TCEANC: variants seen among roughly 807,000 people sequenced by gnomAD.
TCEANC encodes the protein transcription elongation factor A N-terminal and central domain-containing protein.
In TCEANC, 8 loss-of-function variants were observed where a neutral mutation model predicts 8.7. The ratio of observed to expected loss-of-function variants is 0.92; its 90% CI spans 0.54 to 1.65. TCEANC has a LOEUF of 1.65. Ranked by LOEUF, TCEANC falls within the 40% of genes most tolerant of loss-of-function variation. The pLI is 0.00. For synonymous variants in TCEANC, 78 were observed against 92.9 expected, an observed-to-expected ratio of 0.84 and a Z score of 0.92; for missense variants, 255 against 251.9, an observed-to-expected ratio of 1.01 and a Z score of -0.08.
chrX:13,665,138 G>T (rs374917948), exon 2 of TCEANC: 1 of 123,963 alleles, frequency 8.1e-6, no homozygotes, highest in Non-Finnish European at 1.9e-5. Flanking sequence ...TCTTCCCAGG[G>T]CTGCTTTTTG....
At chrX:13,663,402 A>T (rs770049178) in exon 2 of TCEANC, 1 of 1,187,893 alleles carries the variant, frequency 8.4e-7, no homozygotes, top group East Asian at 3.1e-5. Flanking sequence ...TAAAATGCAG[A>T]CGCTGTGAGA....
At chrX:13,662,312 A>G (rs1216091734) in intron 1 of TCEANC, among the ~76,000 whole-genome samples, 189 bp from the exon 5 acceptor site, 1 of 112,133 alleles carries the variant, frequency 8.9e-6, no homozygotes, top group African/African-American at 3.2e-5. Context: ...GTAGGAATTA[A>G]ACTCTTGAGA....
intron 1 of TCEANC, among the ~76,000 whole-genome samples, chrX:13,659,324 C>T (rs1034047203): frequency 8.9e-6 from 1 of 112,072 alleles, no homozygotes; most frequent in Non-Finnish European, 1.9e-5. Context: ...GCCTACAGCG[C>T]CCAAAAGGAA....
intron 1 of TCEANC, 135 bp from the exon 5 acceptor site, chrX:13,662,366 C>G: frequency 3.8e-6 from 2 of 533,182 alleles, no homozygotes; most frequent in Non-Finnish European, 6.2e-6. Context: ...TCTAGCGTGT[C>G]GCATACATTT....
chrX:13,655,137 CAT>C (rs757522315), upstream of TCEANC, among the ~76,000 whole-genome samples: 243 of 112,122 alleles, frequency 2.2e-3, no homozygotes, highest in Non-Finnish European at 3.5e-3. Flanking sequence ...GTGAATAAAA[CAT>C]GTGGATCTTC....
chrX:13,659,423 C>T (rs1016614931), intron 1 of TCEANC, among the ~76,000 whole-genome samples: 2 of 111,673 alleles, frequency 1.8e-5, no homozygotes, highest in African/African-American at 3.3e-5. Context: ...ATTATAGCTT[C>T]GGGGTTTCAG....
At chrX:13,662,782 T>C in exon 2 of TCEANC, 4 of 1,211,270 alleles carry the variant, frequency 3.3e-6, no homozygotes, top group Non-Finnish European at 4.5e-6. Flanking sequence ...CAGCCCTAAA[T>C]TATTTCCTGT....
At chrX:13,665,301 C>T (rs1450928224) in exon 2 of TCEANC, 2 of 123,482 alleles carry the variant, frequency 1.6e-5, no homozygotes, top group East Asian at 2.8e-4. Context: ...TAGTTCAAGT[C>T]GGTGTTTATG....
chrX:13,662,584 C>G, exon 2 of TCEANC: 1 of 1,211,667 alleles, frequency 8.3e-7, no homozygotes, highest in Non-Finnish European at 1.1e-6. Context: ...TTTTGAGGAT[C>G]TTGGCAACCA....
chrX:13,657,052 A>G (rs1163956118), intron 1 of TCEANC, among the ~76,000 whole-genome samples: 2 of 112,278 alleles, frequency 1.8e-5, no homozygotes, highest in East Asian at 5.5e-4. Context: ...GTGTCTTTTC[A>G]AAAATCCATG....
At chrX:13,659,318 A>G (rs2045947441) in intron 1 of TCEANC, among the ~76,000 whole-genome samples, 1 of 112,336 alleles carries the variant, frequency 8.9e-6, no homozygotes, top group South Asian at 3.6e-4. Flanking sequence ...AGATGGGCCT[A>G]CAGCGCCCAA....
chrX:13,663,591 T>C, exon 2 of TCEANC: 2 of 1,067,837 alleles, frequency 1.9e-6, no homozygotes, highest in Non-Finnish European at 2.5e-6. Flanking sequence ...TCTTAACAGA[T>C]AACCGGAGTG....
chrX:13,663,719 A>T, exon 2 of TCEANC: 1 of 523,353 alleles, frequency 1.9e-6, no homozygotes, highest in Non-Finnish European at 3.0e-6. Context: ...CATCCCTAAA[A>T]GTTACAGTTT....
chrX:13,664,375 C>G (rs2045997745), exon 2 of TCEANC: 1 of 122,972 alleles, frequency 8.1e-6, no homozygotes, highest in African/African-American at 3.3e-5. Context: ...TGTTTAAACT[C>G]CAACATTGGG....
At chrX:13,653,245 T>C (rs1179310430), upstream of TCEANC, 2 of 112,963 alleles carry the variant, frequency 1.8e-5, no homozygotes, top group Non-Finnish European at 3.8e-5. Flanking sequence ...CGAGCCCTTA[T>C]TCCCAGCGGA....
At chrX:13,657,326 T>C (rs1002880279) in intron 1 of TCEANC, among the ~76,000 whole-genome samples, 1 of 112,192 alleles carries the variant, frequency 8.9e-6, no homozygotes, top group Non-Finnish European at 1.9e-5. Flanking sequence ...TTAAAAACTA[T>C]CGCAAACTCC....
chrX:13,657,086 A>G (rs779204069), intron 1 of TCEANC, among the ~76,000 whole-genome samples: 11 of 112,462 alleles, frequency 9.8e-5, no homozygotes, highest in Non-Finnish European at 2.1e-4. Context: ...AGCACTTGAT[A>G]TTAAATAATC....
rs1267105071 is a variant in TCEANC at position 13,663,536 on chromosome X, G to A, written c.1028G>A (p.Trp343Ter). 7.8e-6 allele frequency: 9 copies of A among 1,157,226 alleles called. No individual in the cohort carries two copies. Among genetic ancestry groups the A allele is most frequent in the Middle Eastern group, 2.4e-4 (1 of 4,205 alleles). ...ATTTGTAACGAATGTGGGGAGCAGTGGTACCATAGCAAGTGGGTGTGCTGG... is the reference window on the plus strand; with the variant it reads ...ATTTGTAACGAATGTGGGGAGCAGTAGTACCATAGCAAGTGGGTGTGCTGG... The change falls in exon 2 of 2, where the codon TGG becomes TAG. Residue 343 changes from tryptophan to a stop codon, truncating the protein, a stop_gained. Coordinates refer to ENST00000380600, the Ensembl canonical transcript of TCEANC. LOFTEE classifies it high-confidence loss of function.
chrX:13,656,921 C>T (rs1321006821), intron 1 of TCEANC, among the ~76,000 whole-genome samples: 2 of 112,061 alleles, frequency 1.8e-5, no homozygotes, highest in Admixed American at 9.4e-5. Flanking sequence ...GACAGAAAGT[C>T]GAGTGGTGAT....
Sources: allele counts gnomAD v4.1 joint callset (sites outside exome capture counted in the v4.1 genomes callset), GRCh38; gene constraint gnomAD v4.1.1; transcripts MANE v1.5; gene names NCBI Gene and HGNC (gene_info 2026-07-23, HGNC 2026-07-21).